Variants in GRIN2A observed in about 807,000 individuals in gnomAD.
GRIN2A encodes glutamate ionotropic receptor NMDA type subunit 2A, also known as glutamate receptor ionotropic, NMDA 2A.
A neutral mutation model predicts 113.4 loss-of-function variants in GRIN2A; 22 were observed. That is an observed-to-expected ratio of 0.19 (90% CI 0.14 to 0.28). The LOEUF (loss-of-function observed/expected upper bound fraction) is 0.28. Among genes scored for constraint, GRIN2A ranks in the 10% least tolerant of loss-of-function variants. GRIN2A has a pLI of 1.00. For synonymous variants in GRIN2A, 827 were observed against 738.4 expected (o/e 1.12, Z -1.94); for missense variants, 1,502 against 1,887.0 (o/e 0.80, Z 3.78).
rs886548469 is a variant in GRIN2A, at chr16:10,082,546, T to C, written c.414+97452A>G. On this transcript the variant is annotated intron_variant, in intron 2 of 12. Coordinates refer to ENST00000330684, the MANE Select transcript of GRIN2A (RefSeq NM_001134407.3). ...CCCTAATCAGCTGACTTTGAGTTAA[T>C]CAAAAGGGAGATTACCCAAGGTGGG... Among the ~76,000 whole-genome samples, 3 of 152,202 alleles carry C rather than the reference T, an allele frequency of 2.0e-5. No individual in the cohort carries two copies. The South Asian group carries it at 6.2e-4, about 32-fold the overall frequency.
chr16:9,924,333 G>T (rs2044415779), intron 3 of GRIN2A, among the ~76,000 whole-genome samples: 1 of 152,138 alleles, frequency 6.6e-6, no homozygotes, highest in South Asian at 2.1e-4. Flanking sequence ...ACTGTGGAAA[G>T]ATATTATTAC....
intron 2 of GRIN2A, among the ~76,000 whole-genome samples, chr16:10,071,935 G>C (rs887973435): frequency 2.0e-5 from 3 of 152,208 alleles, no homozygotes; most frequent in African/African-American, 7.2e-5. Flanking sequence ...GGCACAGAAA[G>C]GTGGGTAGGT....
intron 3 of GRIN2A, among the ~76,000 whole-genome samples, chr16:9,911,273 G>A (rs2044129557): frequency 6.6e-6 from 1 of 152,134 alleles, no homozygotes; most frequent in Non-Finnish European, 1.5e-5. Flanking sequence ...AATCACTTGA[G>A]GCCAGGAGTT....
intron 2 of GRIN2A, among the ~76,000 whole-genome samples, chr16:10,035,285 C>T (rs1383201767): frequency 3.9e-4 from 59 of 152,130 alleles, no homozygotes; most frequent in Admixed American, 3.8e-3. Flanking sequence ...CTTGGCCTCT[C>T]AAAATGCTGA....
chr16:9,940,421 C>T (rs1386769245), intron 2 of GRIN2A, among the ~76,000 whole-genome samples: 8 of 152,136 alleles, frequency 5.3e-5, no homozygotes, highest in East Asian at 3.9e-4. Context: ...GTTTTCCCTA[C>T]AGTAGCTTTT....
intron 2 of GRIN2A, among the ~76,000 whole-genome samples, chr16:10,150,209 G>A (rs2049538540): frequency 6.6e-6 from 1 of 152,180 alleles, no homozygotes; most frequent in Admixed American, 6.5e-5. Context: ...TTTAAAGTAT[G>A]TAAAGAGGCA....
At chr16:10,165,513 T>TATATATATATGGATATATATATAC (rs1555489600) in intron 2 of GRIN2A, among the ~76,000 whole-genome samples, 2 of 79,268 alleles carry the variant, frequency 2.5e-5, no homozygotes, top group Non-Finnish European at 5.3e-5. Context: ...TATATATACA[T>TATATATATATGGATATATATATAC]ATATATATAT....
chr16:9,882,989 G>A (rs1404639663), intron 4 of GRIN2A, among the ~76,000 whole-genome samples: 2 of 152,074 alleles, frequency 1.3e-5, no homozygotes, highest in Non-Finnish European at 2.9e-5. Flanking sequence ...ATGATGTAGT[G>A]GTGGTGAACA....
rs145956175 is a variant in GRIN2A at position 9,841,079 on chromosome 16, C to T, written c.1354G>A (p.Val452Met). 1.7e-4 allele frequency: 270 copies of T among 1,613,836 alleles called. 1 individual carries two copies. The African/African-American group carries it at 3.2e-3, about 19-fold the overall frequency. The change falls in exon 6 of 13, where the codon GTG (valine) becomes ATG (methionine). Residue 452 changes from valine (V) to methionine (M), a missense_variant. Physicochemically the swap from Val to Met is conservative, Grantham distance 21. This residue lies in a region of GRIN2A where 334 missense variants were observed against 403.0 expected (regional missense o/e 0.83). Transcript: ENST00000330684. ...CAGAACCCCTTGCAGCATTTCTTCA[C>T]ATTCATCCCCTCATTGGTTGAATTG... The part of the protein sequence containing the change: ...INNSTNEGMN[V>M]KKCCKGFCID...
chr16:10,100,397 G>C (rs529404373), intron 2 of GRIN2A, among the ~76,000 whole-genome samples: 2 of 152,198 alleles, frequency 1.3e-5, no homozygotes, highest in African/African-American at 4.8e-5. Context: ...AAGAGATGTT[G>C]AGTGTTGGAT....
chr16:9,769,451 CTTTTTTT>C (rs34847596), intron 11 of GRIN2A, among the ~76,000 whole-genome samples: 2 of 104,890 alleles, frequency 1.9e-5, no homozygotes, highest in East Asian at 3.2e-4. Flanking sequence ...GGAGTTTTGT[CTTTTTTT>C]TTTTTTTTTT....
At chr16:10,103,803 T>C (rs368957558) in intron 2 of GRIN2A, among the ~76,000 whole-genome samples, 3 of 152,180 alleles carry the variant, frequency 2.0e-5, no homozygotes, top group East Asian at 3.8e-4. Context: ...CTTCTTCCCT[T>C]AGATTCTAGA....
At chr16:10,166,713 T>C (rs2049932918) in intron 2 of GRIN2A, among the ~76,000 whole-genome samples, 1 of 152,158 alleles carries the variant, frequency 6.6e-6, no homozygotes, top group African/African-American at 2.4e-5. Flanking sequence ...AGAATGAACA[T>C]ACATTTGACC....
intron 2 of GRIN2A, among the ~76,000 whole-genome samples, chr16:10,158,160 A>G (rs934200550): frequency 2.0e-5 from 3 of 152,032 alleles, no homozygotes; most frequent in African/African-American, 7.2e-5. Context: ...ATGTGCCAAC[A>G]CACCCGGCTA....
At chr16:10,083,556 C>T (rs1267014843) in intron 2 of GRIN2A, among the ~76,000 whole-genome samples, 2 of 152,216 alleles carry the variant, frequency 1.3e-5, no homozygotes, top group Non-Finnish European at 2.9e-5. Flanking sequence ...CTACCCTCTT[C>T]CCCTGCTACT....
intron 2 of GRIN2A, among the ~76,000 whole-genome samples, chr16:9,983,456 T>C (rs74471700): frequency 6.6e-6 from 1 of 151,794 alleles, no homozygotes; most frequent in Non-Finnish European, 1.5e-5. Flanking sequence ...TTTTTTTTTT[T>C]TGAGATGGAG....
chr16:9,988,067 TC>T (rs1567219123), intron 2 of GRIN2A, among the ~76,000 whole-genome samples: 1 of 152,168 alleles, frequency 6.6e-6, no homozygotes, highest in Non-Finnish European at 1.5e-5. Flanking sequence ...CCCTGGTTTT[TC>T]TGCCTCCAAA....
Position 9,820,011 on chromosome 16 carries a change from A to T in GRIN2A, c.2168+2253T>A, listed in dbSNP as rs115639282. 8.2e-3 allele frequency among the ~76,000 whole-genome samples: 1,245 copies of T among 151,322 alleles called. 20 individuals carry two copies. Among genetic ancestry groups the T allele is most frequent in the African/African-American group, 0.029 (1,177 of 41,290 alleles). ...AGTAACAATGCAAAGCATCCCCCACATGGGAGATTGAGTATAGAATGAATC... is the reference window on the plus strand; with the variant it reads ...AGTAACAATGCAAAGCATCCCCCACTTGGGAGATTGAGTATAGAATGAATC... On this transcript the variant is annotated intron_variant, in intron 10 of 12. Coordinates refer to ENST00000330684, the MANE Select transcript of GRIN2A (RefSeq NM_001134407.3).
chr16:9,840,798 C>T lies in GRIN2A; in HGVS notation c.1500G>A (p.Val500=), dbSNP rs1441314110. 4 of 1,564,736 alleles carry T rather than the reference C, an allele frequency of 2.6e-6. No individual in the cohort carries two copies. The highest frequency in any genetic ancestry group is 1.7e-4 in the Middle Eastern group (1 of 5,958). ...NNVWNGMIGE[V]VYQRAVMAVG... Reference sequence around the variant, plus strand: ...CTGCCATGACTGCCCGTTGATAGACCACCTGGATGCAAGGCAAAAAAAAAA... The same window carrying T: ...CTGCCATGACTGCCCGTTGATAGACTACCTGGATGCAAGGCAAAAAAAAAA... Residue 500 remains valine (V), a splice_region_variant and synonymous_variant, in exon 7 of 13, where the codon GTG becomes GTA. Coordinates refer to ENST00000330684, the MANE Select transcript of GRIN2A (RefSeq NM_001134407.3).
Sources: gnomAD v4.1 joint callset for allele counts (sites outside exome capture counted in the v4.1 genomes callset) on GRCh38, gnomAD v4.1.1 for gene constraint, gnomAD v4.1.1 regional missense constraint, MANE v1.5 for transcripts, NCBI Gene and HGNC (gene_info 2026-07-23, HGNC 2026-07-21) for gene names.